Variants in CDYL observed in about 807,000 individuals in gnomAD.
CDYL encodes chromodomain Y like, also known as chromodomain Y-like protein.
Under a neutral mutation model 47.3 loss-of-function variants are expected in CDYL, and 8 were observed. The ratio of observed to expected loss-of-function variants is 0.17; its 90% CI spans 0.10 to 0.31. The LOEUF (loss-of-function observed/expected upper bound fraction) is 0.31. Among genes scored for constraint, CDYL ranks in the 10% least tolerant of loss-of-function variants. The pLI is 1.00. For missense variants in CDYL, 471 were observed against 701.4 expected (o/e 0.67, Z 3.71); for synonymous variants, 266 against 265.0 (o/e 1.00, Z -0.04).
chr6:4,731,932 G>T (rs569867956), intron 2 of CDYL, among the ~76,000 whole-genome samples: 1 of 152,228 alleles, frequency 6.6e-6, no homozygotes, highest in Non-Finnish European at 1.5e-5. Context: ...TTTCTTTTCG[G>T]TGTCAATTAC....
At chr6:4,831,637 G>A (rs1174541892) in intron 1 of CDYL, among the ~76,000 whole-genome samples, 4 of 152,012 alleles carry the variant, frequency 2.6e-5, no homozygotes, top group Admixed American at 6.6e-5. Flanking sequence ...TAGCTTGATG[G>A]GGATGGCATT....
At chr6:4,767,979 A>C (rs1187604787) in intron 3 of CDYL, among the ~76,000 whole-genome samples, 1 of 152,256 alleles carries the variant, frequency 6.6e-6, no homozygotes, top group Non-Finnish European at 1.5e-5. Context: ...AATATAAGTC[A>C]GATTATTGAT....
At chr6:4,778,789 G>A (rs1758536597) in intron 1 of CDYL, among the ~76,000 whole-genome samples, 1 of 152,092 alleles carries the variant, frequency 6.6e-6, no homozygotes. Flanking sequence ...TCTTTTACTT[G>A]TAGGCAACAC....
At chr6:4,825,115 C>G (rs1759944523) in intron 1 of CDYL, among the ~76,000 whole-genome samples, 2 of 152,170 alleles carry the variant, frequency 1.3e-5, no homozygotes, top group South Asian at 4.1e-4. Context: ...AGGTGATCCG[C>G]CAGCCTCGGC....
chr6:4,898,721 G>A (rs1302873111), intron 2 of CDYL, among the ~76,000 whole-genome samples: 1 of 152,174 alleles, frequency 6.6e-6, no homozygotes, highest in Non-Finnish European at 1.5e-5. Flanking sequence ...TTCAGGCATA[G>A]AGCCCGTAGA....
At chr6:4,886,017 C>T (rs565363520) in intron 1 of CDYL, among the ~76,000 whole-genome samples, 43 of 152,156 alleles carry the variant, frequency 2.8e-4, no homozygotes, top group Non-Finnish European at 5.4e-4. Context: ...ATGTGACTGA[C>T]TTCTTTTACA....
At chr6:4,743,986 G>T (rs1023191196) in intron 3 of CDYL, among the ~76,000 whole-genome samples, 8 of 152,170 alleles carry the variant, frequency 5.3e-5, no homozygotes, top group Non-Finnish European at 1.0e-4. Flanking sequence ...TCTCAAGTTG[G>T]AACAGGATTT....
chr6:4,811,986 A>G (rs1298464349), intron 1 of CDYL, among the ~76,000 whole-genome samples: 1 of 152,110 alleles, frequency 6.6e-6, no homozygotes, highest in Admixed American at 6.5e-5. Flanking sequence ...AGGGTGGTCC[A>G]TGGACTGGCA....
At chr6:4,933,689 C>G (rs551772073) in intron 2 of CDYL, among the ~76,000 whole-genome samples, 1 of 152,270 alleles carries the variant, frequency 6.6e-6, no homozygotes, top group East Asian at 1.9e-4. Context: ...TCCTGAGTCC[C>G]TCAGAAGGAC....
At chr6:4,942,288 A>G (rs373774075) in intron 4 of CDYL, among the ~76,000 whole-genome samples, 81 of 152,208 alleles carry the variant, frequency 5.3e-4, no homozygotes, top group African/African-American at 1.9e-3. Flanking sequence ...GTTCATACAC[A>G]CACAGACACA....
At chr6:4,744,732 A>C (rs749890609) in intron 3 of CDYL, among the ~76,000 whole-genome samples, 6 of 152,210 alleles carry the variant, frequency 3.9e-5, no homozygotes, top group Non-Finnish European at 5.9e-5. Flanking sequence ...TAAAGAGGTT[A>C]ATTTTTCCAA....
intron 4 of CDYL, among the ~76,000 whole-genome samples, chr6:4,938,194 A>T (rs1401737164): frequency 6.6e-6 from 1 of 151,636 alleles, no homozygotes; most frequent in Non-Finnish European, 1.5e-5. Context: ...TAGCTCCGTA[A>T]CACCACATGG....
intron 1 of CDYL, among the ~76,000 whole-genome samples, chr6:4,819,156 C>CTG (rs1261981708): frequency 1.1e-3 from 144 of 131,108 alleles, no homozygotes; most frequent in African/African-American, 5.4e-3. Context: ...CTCTCTCTCT[C>CTG]TCTCTCTGTG....
chr6:4,741,744 G>C (rs1335301355), intron 3 of CDYL, among the ~76,000 whole-genome samples: 1 of 152,196 alleles, frequency 6.6e-6, no homozygotes, highest in Non-Finnish European at 1.5e-5. Context: ...AATGTGCCTG[G>C]GTGAAAATCA....
At chr6:4,896,280 G>A (rs1280960485) in intron 2 of CDYL, among the ~76,000 whole-genome samples, 1 of 152,226 alleles carries the variant, frequency 6.6e-6, no homozygotes, top group Non-Finnish European at 1.5e-5. Context: ...GGATTTGGGA[G>A]GGTCAGTTCT....
chr6:4,897,783 G>GGTTTTTGTTTT (rs1406173066), intron 2 of CDYL, among the ~76,000 whole-genome samples: 8 of 15,576 alleles, frequency 5.1e-4, no homozygotes, highest in Non-Finnish European at 9.6e-4. Flanking sequence ...AGGTTTTGAA[G>GGTTTTTGTTTT]GTTTTTGTTT....
At chr6:4,793,551 A>G (rs1020954867) in intron 1 of CDYL, among the ~76,000 whole-genome samples, 2 of 152,146 alleles carry the variant, frequency 1.3e-5, no homozygotes, top group Non-Finnish European at 2.9e-5. Flanking sequence ...TTGTAGTAAG[A>G]TGGGAAGCCA....
intron 2 of CDYL, among the ~76,000 whole-genome samples, chr6:4,725,926 GC>G (rs1482903218): frequency 2.0e-5 from 3 of 151,858 alleles, no homozygotes; most frequent in Non-Finnish European, 4.4e-5. Context: ...TTTTGTCAAA[GC>G]CAAAAACAAA....
chr6:4,834,022 T>G (rs1760222045), intron 1 of CDYL, among the ~76,000 whole-genome samples: 1 of 151,390 alleles, frequency 6.6e-6, no homozygotes, highest in South Asian at 2.1e-4. Context: ...CTTGACTCTT[T>G]ATCCAATTTG....
Sources: allele counts gnomAD v4.1 joint callset (sites outside exome capture counted in the v4.1 genomes callset), GRCh38; gene constraint gnomAD v4.1.1; transcripts MANE v1.5; gene names NCBI Gene and HGNC (gene_info 2026-07-23, HGNC 2026-07-21).